Variants in TEKT5 observed in about 807,000 individuals in gnomAD.
TEKT5 encodes the protein tektin 5.
TEKT5 carries 52 observed loss-of-function variants against 48.7 expected under a neutral mutation model. The ratio of observed to expected loss-of-function variants is 1.07; its 90% CI spans 0.86 to 1.35. TEKT5 has a LOEUF of 1.35. Ranked by LOEUF, TEKT5 falls within the 40% of genes most tolerant of loss-of-function variation. TEKT5 has a pLI of 0.00. For synonymous variants in TEKT5, 318 were observed against 267.6 expected (o/e 1.19, Z -1.84); for missense variants, 831 against 641.6 (o/e 1.30, Z -3.19).
chr16:10,668,614 G>C (rs1322241561), intron 5 of TEKT5, among the ~76,000 whole-genome samples: 2 of 152,168 alleles, frequency 1.3e-5, no homozygotes, highest in Non-Finnish European at 2.9e-5. Flanking sequence ...CCCCTCAGAC[G>C]CCAGGCCTTC....
intron 5 of TEKT5, among the ~76,000 whole-genome samples, chr16:10,652,774 A>G (rs1170367479): frequency 9.7e-6 from 1 of 103,622 alleles, no homozygotes; most frequent in African/African-American, 4.4e-5. Flanking sequence ...AAACACACAC[A>G]CACACACACA....
At chr16:10,653,417 TG>T (rs1898203474) in intron 5 of TEKT5, among the ~76,000 whole-genome samples, 1 of 152,226 alleles carries the variant, frequency 6.6e-6, no homozygotes, top group African/African-American at 2.4e-5. Context: ...GCTGTACACC[TG>T]GGGACAGGTT....
At chr16:10,657,566 G>A (rs143042233) in intron 5 of TEKT5, among the ~76,000 whole-genome samples, 2 of 151,752 alleles carry the variant, frequency 1.3e-5, no homozygotes, top group African/African-American at 4.8e-5. Context: ...AAGTCACGTT[G>A]TAGAAAAGTC....
intron 1 of TEKT5, 188 bp from the exon 2 acceptor site, chr16:10,690,213 T>C: frequency 6.6e-6 from 4 of 608,820 alleles, no homozygotes; most frequent in Non-Finnish European, 1.1e-5. Context: ...GAGCTGTGGG[T>C]TGTCATATGA....
intron 3 of TEKT5, among the ~76,000 whole-genome samples, chr16:10,683,600 A>C (rs1322201189): frequency 1.3e-5 from 2 of 152,076 alleles, no homozygotes; most frequent in African/African-American, 4.8e-5. Flanking sequence ...TAATTAATTA[A>C]TTTTTTTGAG....
chr16:10,641,631 G>C (rs1224468392), intron 5 of TEKT5, among the ~76,000 whole-genome samples: 2 of 152,204 alleles, frequency 1.3e-5, no homozygotes, highest in South Asian at 4.1e-4. Context: ...ACCAGACTGG[G>C]GCAACATAGT....
chr16:10,665,035 C>T (rs1165539322), intron 5 of TEKT5, among the ~76,000 whole-genome samples: 1 of 152,132 alleles, frequency 6.6e-6, no homozygotes, highest in Non-Finnish European at 1.5e-5. Flanking sequence ...AGAAATGAGC[C>T]CAGCACTCTG....
chr16:10,648,186 C>T (rs1251600500), intron 5 of TEKT5, among the ~76,000 whole-genome samples: 1 of 152,242 alleles, frequency 6.6e-6, no homozygotes, highest in African/African-American at 2.4e-5. Context: ...GGCACAGGCA[C>T]ACACAACCAT....
chr16:10,670,703 T>G (rs1486365635), intron 5 of TEKT5, among the ~76,000 whole-genome samples: 1 of 152,146 alleles, frequency 6.6e-6, no homozygotes, highest in African/African-American at 2.4e-5. Context: ...GGGTTGGAGT[T>G]TGGTGCATTT....
intron 5 of TEKT5, among the ~76,000 whole-genome samples, chr16:10,657,016 G>A (rs983369164): frequency 3.9e-5 from 6 of 152,274 alleles, no homozygotes; most frequent in African/African-American, 1.2e-4. Flanking sequence ...TGGGATTACA[G>A]GTATGAGGCA....
chr16:10,666,974 CTTACTTTTT>C (rs1898469078), intron 5 of TEKT5, among the ~76,000 whole-genome samples: 1 of 118,718 alleles, frequency 8.4e-6, no homozygotes, highest in Non-Finnish European at 1.7e-5. Flanking sequence ...ACACTGGCTC[CTTACTTTTT>C]TTTTTTTTTT....
Position 10,694,837 on chromosome 16 carries a change from A to T in TEKT5, c.37T>A (p.Cys13Ser), listed in dbSNP as rs755511541. Reference sequence around the variant, plus strand: ...AAGCCACAGCATTTCTTGGGACCACAGTAACTGGCGGTCTGAGTAGTCCCA... The same window carrying T: ...AAGCCACAGCATTTCTTGGGACCACTGTAACTGGCGGTCTGAGTAGTCCCA... ...FLGTTQTASY[C>S]GPKKCCGLTS... Residue 13 changes from cysteine (C) to serine (S), a missense_variant, in exon 1 of 7, where the codon TGT becomes AGT. Physicochemically the swap from Cys to Ser is moderately radical, Grantham distance 112. Transcript: ENST00000283025. 1 of 1,595,972 alleles carries T rather than the reference A, an allele frequency of 6.3e-7. No individual in the cohort carries two copies.
chr16:10,686,140 G>A (rs1018399968), intron 3 of TEKT5, among the ~76,000 whole-genome samples: 9 of 152,160 alleles, frequency 5.9e-5, no homozygotes, highest in Admixed American at 1.3e-4. Flanking sequence ...ATAAATCCAG[G>A]CATTTACAGT....
chr16:10,649,440 TTTTC>T (rs1442067079), intron 5 of TEKT5, among the ~76,000 whole-genome samples: 2 of 150,968 alleles, frequency 1.3e-5, no homozygotes, highest in South Asian at 2.1e-4. Context: ...ATTTTTTTAA[TTTTC>T]TTTTTCTTTT....
chr16:10,627,807 G>A lies in TEKT5; in HGVS notation c.1242-8C>T, dbSNP rs781033467. The A allele has an allele frequency of 6.2e-7, 1 of 1,612,656 alleles. No individual in the cohort carries two copies. Among genetic ancestry groups the A allele is most frequent in the South Asian group, 1.1e-5 (1 of 91,030 alleles). Reference sequence around the variant, plus strand: ...AACACCTCGTTCACCAGCCTGGGGTGAGGGCAGAGGAGAAGGCACAGGTTA... The same window carrying A: ...AACACCTCGTTCACCAGCCTGGGGTAAGGGCAGAGGAGAAGGCACAGGTTA... On this transcript the variant is annotated splice_polypyrimidine_tract_variant and splice_region_variant and intron_variant, in intron 6 of 6. Transcript: ENST00000283025.
At chr16:10,689,684 A>ATT (rs1898931216) in intron 2 of TEKT5, among the ~76,000 whole-genome samples, 1 of 152,186 alleles carries the variant, frequency 6.6e-6, no homozygotes, top group Non-Finnish European at 1.5e-5. Context: ...GGTGCTCAAT[A>ATT]AACGCTAGCT....
At chr16:10,648,595 G>A (rs942230093) in intron 5 of TEKT5, among the ~76,000 whole-genome samples, 8 of 152,200 alleles carry the variant, frequency 5.3e-5, no homozygotes, top group Non-Finnish European at 8.8e-5. Flanking sequence ...GCCTCCCAAA[G>A]TGCTGGGATT....
intron 4 of TEKT5, among the ~76,000 whole-genome samples, chr16:10,676,941 T>G (rs1898656997): frequency 7.5e-6 from 1 of 132,718 alleles, no homozygotes; most frequent in Non-Finnish European, 1.6e-5. Flanking sequence ...CCCAGCACAC[T>G]GGGAGGCCAA....
At chr16:10,655,800 T>C (rs1377575515) in intron 5 of TEKT5, among the ~76,000 whole-genome samples, 1 of 152,182 alleles carries the variant, frequency 6.6e-6, no homozygotes, top group Admixed American at 6.5e-5. Context: ...GTGTGAAAAA[T>C]AAATGCTTGG....
Sources: allele counts gnomAD v4.1 joint callset (sites outside exome capture counted in the v4.1 genomes callset), GRCh38; gene constraint gnomAD v4.1.1; transcripts MANE v1.5; gene names NCBI Gene and HGNC (gene_info 2026-07-23, HGNC 2026-07-21).